Variants in SETBP1 observed in about 807,000 individuals in gnomAD.
The protein encoded by SETBP1 is SET binding protein 1.
A neutral mutation model predicts 101.0 loss-of-function variants in SETBP1; 9 were observed. That is an observed-to-expected ratio of 0.09 (90% CI 0.05 to 0.16). SETBP1 has a LOEUF of 0.16. SETBP1 is among the 10% of genes least tolerant of loss of function. The pLI, the probability that SETBP1 is intolerant of heterozygous loss-of-function variation, is 1.00. For synonymous variants in SETBP1, 818 were observed against 788.5 expected, an observed-to-expected ratio of 1.04 and a Z score of -0.63; for missense variants, 1,858 against 2,033.8, an observed-to-expected ratio of 0.91 and a Z score of 1.66.
chr18:44,810,935 C>T lies in SETBP1; in HGVS notation c.487-58295C>T, dbSNP rs180743956. Among the ~76,000 whole-genome samples, 18 of 152,196 alleles carry T rather than the reference C, an allele frequency of 1.2e-4. 1 individual carries two copies. The East Asian group carries it at 2.7e-3, about 23-fold the overall frequency. On this transcript the variant is annotated intron_variant, in intron 2 of 5. Transcript: ENST00000649279. Reference sequence around the variant, plus strand: ...ATATGAACATATGCATTTTCTGGGGCGAACCATGTAAATTTCAAAAGATTC... The same window carrying T: ...ATATGAACATATGCATTTTCTGGGGTGAACCATGTAAATTTCAAAAGATTC...
chr18:44,935,467 C>T (rs949670226), intron 3 of SETBP1, among the ~76,000 whole-genome samples: 19 of 152,052 alleles, frequency 1.2e-4, no homozygotes, highest in African/African-American at 4.3e-4. Flanking sequence ...ATCTTGGAAC[C>T]CTCTCCTGCT....
intron 2 of SETBP1, among the ~76,000 whole-genome samples, chr18:44,833,367 G>A (rs759956861): frequency 3.9e-5 from 6 of 152,224 alleles, no homozygotes; most frequent in Admixed American, 6.5e-5. Flanking sequence ...CCAGTGTTCC[G>A]AGAAGTAGGA....
intron 2 of SETBP1, among the ~76,000 whole-genome samples, chr18:44,849,645 G>C (rs630122): frequency 0.32 from 47,850 of 149,032 alleles, 7,567 homozygotes; most frequent in South Asian, 0.4. Flanking sequence ...GAAGGCCATG[G>C]GGAAGAGTCC....
chr18:44,714,633 C>T (rs765528721), intron 2 of SETBP1, among the ~76,000 whole-genome samples: 3 of 151,438 alleles, frequency 2.0e-5, no homozygotes, highest in African/African-American at 4.9e-5. Flanking sequence ...TGCGCATGCA[C>T]GTGTGAGCGC....
chr18:44,777,747 C>G (rs973746721), intron 2 of SETBP1, among the ~76,000 whole-genome samples: 2 of 152,222 alleles, frequency 1.3e-5, no homozygotes, highest in African/African-American at 4.8e-5. Context: ...CTGATAAAAA[C>G]AGGCCAAAAG....
intron 3 of SETBP1, among the ~76,000 whole-genome samples, chr18:44,910,335 A>C (rs911521360): frequency 6.6e-6 from 1 of 152,230 alleles, no homozygotes; most frequent in Non-Finnish European, 1.5e-5. Context: ...AGGGATGACC[A>C]GGTAAAGAAA....
At chr18:44,909,391 G>T (rs1365474231) in intron 3 of SETBP1, among the ~76,000 whole-genome samples, 4 of 152,204 alleles carry the variant, frequency 2.6e-5, no homozygotes, top group African/African-American at 9.6e-5. Flanking sequence ...GCTGTCATTT[G>T]TTCTCCTGGC....
intron 2 of SETBP1, among the ~76,000 whole-genome samples, chr18:44,755,291 G>C (rs562795563): frequency 1.3e-5 from 2 of 152,324 alleles, no homozygotes; most frequent in Non-Finnish European, 2.9e-5. Flanking sequence ...GATGGCTGGT[G>C]AAACATTGTT....
intron 4 of SETBP1, among the ~76,000 whole-genome samples, chr18:44,967,233 G>GTT (rs2071739926): frequency 2.6e-5 from 4 of 152,308 alleles, no homozygotes; most frequent in South Asian, 2.1e-4. Context: ...TTCACCCAAA[G>GTT]ATAACGGAAA....
At chr18:44,896,066 G>A (rs927838972) in intron 3 of SETBP1, among the ~76,000 whole-genome samples, 3 of 152,082 alleles carry the variant, frequency 2.0e-5, no homozygotes, top group African/African-American at 7.2e-5. Context: ...CGCTTCCTGG[G>A]TATTGCATAC....
chr18:44,784,986 A>G (rs1346391182), intron 2 of SETBP1, among the ~76,000 whole-genome samples: 1 of 152,218 alleles, frequency 6.6e-6, no homozygotes, highest in Non-Finnish European at 1.5e-5. Flanking sequence ...GAACTCCCTG[A>G]GGCTCACACC....
At chr18:44,861,610 G>A (rs572717896) in intron 2 of SETBP1, among the ~76,000 whole-genome samples, 2 of 152,208 alleles carry the variant, frequency 1.3e-5, no homozygotes, top group African/African-American at 4.8e-5. Context: ...ATATTATGAT[G>A]TAGTGAAAAA....
intron 3 of SETBP1, among the ~76,000 whole-genome samples, chr18:44,877,796 G>A (rs2069442780): frequency 6.6e-6 from 1 of 151,936 alleles, no homozygotes; most frequent in South Asian, 2.1e-4. Flanking sequence ...TTGGCATTTG[G>A]TCCTGGAGAA....
chr18:44,853,505 G>A (rs1437379192), intron 2 of SETBP1, among the ~76,000 whole-genome samples: 1 of 152,118 alleles, frequency 6.6e-6, no homozygotes, highest in Admixed American at 6.5e-5. Flanking sequence ...TCCCTATGAG[G>A]TAGCTAATGT....
At chr18:44,693,825 A>G (rs1346382727) in intron 1 of SETBP1, among the ~76,000 whole-genome samples, 1 of 152,194 alleles carries the variant, frequency 6.6e-6, no homozygotes, top group Non-Finnish European at 1.5e-5. Flanking sequence ...GGCAGTCATC[A>G]AGTCTACTGT....
chr18:44,958,227 T>C (rs555279740), intron 4 of SETBP1, among the ~76,000 whole-genome samples: 1 of 152,374 alleles, frequency 6.6e-6, no homozygotes, highest in East Asian at 1.9e-4. Flanking sequence ...TCCAAGTTAT[T>C]GACCATGTTG....
At chr18:45,020,293 A>AAAAAAAAAAAAAAAAAAAG (rs1568032212) in intron 4 of SETBP1, among the ~76,000 whole-genome samples, 7 of 133,908 alleles carry the variant, frequency 5.2e-5, no homozygotes, top group African/African-American at 2.1e-4. Context: ...AAAAAAAAAA[A>AAAAAAAAAAAAAAAAAAAG]AAGTGGCTTC....
At chr18:44,866,811 T>A (rs1489825812) in intron 2 of SETBP1, among the ~76,000 whole-genome samples, 1 of 152,184 alleles carries the variant, frequency 6.6e-6, no homozygotes, top group Non-Finnish European at 1.5e-5. Context: ...ACTGATAAAT[T>A]CAGATGGATA....
intron 3 of SETBP1, chr18:44,876,713 CT>C (rs2069413786): frequency 1.9e-6 from 3 of 1,547,506 alleles, no homozygotes; most frequent in South Asian, 1.2e-5. Flanking sequence ...CTCACTCTTC[CT>C]TTTCACAGTG....
Sources: allele counts gnomAD v4.1 joint callset (sites outside exome capture counted in the v4.1 genomes callset), GRCh38; gene constraint gnomAD v4.1.1; transcripts MANE v1.5; gene names NCBI Gene and HGNC (gene_info 2026-07-23, HGNC 2026-07-21).